Variants in CALCR observed in about 807,000 individuals in gnomAD.
The protein encoded by CALCR is calcitonin receptor.
Under a neutral mutation model 59.5 loss-of-function variants are expected in CALCR, and 47 were observed. That is an observed-to-expected ratio of 0.79 (90% CI 0.63 to 1.01). The LOEUF (loss-of-function observed/expected upper bound fraction) is 1.01, where lower values mean the gene tolerates loss of function less well. CALCR is among the 50% of genes least tolerant of loss of function. The pLI, the probability that CALCR is intolerant of heterozygous loss-of-function variation, is 0.00. For synonymous variants in CALCR, 213 were observed against 211.3 expected, an observed-to-expected ratio of 1.01 and a Z score of -0.07; for missense variants, 566 against 597.1, an observed-to-expected ratio of 0.95 and a Z score of 0.54.
chr7:93,482,965 C>T lies in CALCR; in HGVS notation c.52-3458G>A, dbSNP rs1039045473. Reference sequence around the variant, plus strand: ...TTTTCCCAACAGTAGATGAATGTCTCAGTGGCCTTCTTCCTAAAATAACAT... The same window carrying T: ...TTTTCCCAACAGTAGATGAATGTCTTAGTGGCCTTCTTCCTAAAATAACAT... On this transcript the variant is annotated intron_variant, in intron 3 of 13. Transcript: ENST00000426151. The T allele has an allele frequency of 4.0e-5, 19 of 472,196 alleles. No individual in the cohort carries two copies. The Admixed American group carries it at 4.8e-4, about 12-fold the overall frequency. The allele number at this position is 472,196 out of a possible 1,614,324, so 29.3% of individuals were successfully genotyped here.
intron 2 of CALCR, among the ~76,000 whole-genome samples, chr7:93,554,011 T>G (rs1304195220): frequency 6.6e-6 from 1 of 152,178 alleles, no homozygotes; most frequent in Non-Finnish European, 1.5e-5. Context: ...TATTTGTCAT[T>G]TCTGCTTTTG....
At chr7:93,459,177 A>T (rs895801426) in intron 8 of CALCR, among the ~76,000 whole-genome samples, 9 of 152,174 alleles carry the variant, frequency 5.9e-5, no homozygotes, top group African/African-American at 1.9e-4. Context: ...CACCAAAGTG[A>T]TTTGATTTTT....
intron 7 of CALCR, among the ~76,000 whole-genome samples, chr7:93,467,715 T>A (rs972744346): frequency 1.3e-5 from 2 of 151,630 alleles, no homozygotes; most frequent in Non-Finnish European, 3.0e-5. Context: ...CCACATTTTT[T>A]AAGTGTGGAT....
At chr7:93,488,412 A>G (rs1012584631) in intron 2 of CALCR, among the ~76,000 whole-genome samples, 1 of 151,534 alleles carries the variant, frequency 6.6e-6, no homozygotes, top group African/African-American at 2.4e-5. Flanking sequence ...AAGAATGCTA[A>G]CCTTAAATGT....
intron 2 of CALCR, among the ~76,000 whole-genome samples, chr7:93,557,183 C>T (rs1295793540): frequency 6.6e-6 from 1 of 151,884 alleles, no homozygotes; most frequent in Non-Finnish European, 1.5e-5. Flanking sequence ...AGATGACTGG[C>T]ACTTTACCAA....
At chr7:93,454,190 C>G (rs979802559) in intron 8 of CALCR, among the ~76,000 whole-genome samples, 2 of 151,984 alleles carry the variant, frequency 1.3e-5, no homozygotes, top group African/African-American at 4.8e-5. Flanking sequence ...GTCCAGTTTC[C>G]ACCCTGGGTT....
At chr7:93,471,443 A>G (rs534650092) in intron 6 of CALCR, among the ~76,000 whole-genome samples, 5 of 151,932 alleles carry the variant, frequency 3.3e-5, no homozygotes, top group East Asian at 2.0e-4. Context: ...TCCCTAAGCC[A>G]TATGTTCATC....
intron 2 of CALCR, among the ~76,000 whole-genome samples, chr7:93,488,712 A>T (rs1158748021): frequency 6.6e-6 from 1 of 151,760 alleles, no homozygotes; most frequent in Non-Finnish European, 1.5e-5. Context: ...AACAAGAGCT[A>T]ACTACTCTAA....
At chr7:93,517,391 T>C (rs539353155) in intron 2 of CALCR, among the ~76,000 whole-genome samples, 14 of 151,782 alleles carry the variant, frequency 9.2e-5, no homozygotes, top group Middle Eastern at 3.4e-3. Flanking sequence ...ATTTAGATGA[T>C]ATTAATAATG....
rs1554397851 is a variant in CALCR at position 93,460,597 on chromosome 7, A to ATATATATATG, written c.648+223_648+224insCATATATATA. 3.0e-3 allele frequency among the ~76,000 whole-genome samples: 399 copies of ATATATATATG among 133,688 alleles called. 5 individuals carry two copies. Among genetic ancestry groups the ATATATATATG allele is most frequent in the African/African-American group, 0.011 (379 of 33,042 alleles). The allele number at this position is 133,688 out of a possible 152,430, so 87.7% of individuals were successfully genotyped here. A position where few individuals can be genotyped will look rare whatever the true frequency, so the allele number is the denominator to read the frequency against. On this transcript the variant is annotated intron_variant, in intron 8 of 13. Transcript: ENST00000426151. ...AATATATATATATATATATATGTATATATATATATATATATGGTTTGTTGT... is the reference window on the plus strand; with the variant it reads ...AATATATATATATATATATATGTATATATATATATGTATATATATATATATGGTTTGTTGT...
intron 5 of CALCR, among the ~76,000 whole-genome samples, chr7:93,472,935 G>T (rs1028377705): frequency 2.6e-5 from 4 of 151,744 alleles, no homozygotes; most frequent in African/African-American, 9.7e-5. Context: ...TTTTTCATTA[G>T]ATTAACTGTA....
intron 5 of CALCR, among the ~76,000 whole-genome samples, chr7:93,477,289 A>C (rs1412531351): frequency 1.3e-5 from 2 of 151,936 alleles, no homozygotes; most frequent in African/African-American, 4.8e-5. Flanking sequence ...CATTTAAATA[A>C]AACTATTCAC....
intron 2 of CALCR, among the ~76,000 whole-genome samples, chr7:93,498,744 A>C (rs1035519976): frequency 4.6e-5 from 7 of 151,718 alleles, no homozygotes; most frequent in Non-Finnish European, 1.0e-4. Context: ...GTTCTTAGTC[A>C]CTACATATAG....
rs2116304509 is a variant in CALCR, at chr7:93,574,476, A to C, written c.-214T>G. 6.6e-6 allele frequency: 1 copy of C among 152,320 alleles called. No individual in the cohort carries two copies. The highest frequency in any genetic ancestry group is 1.5e-5 in the Non-Finnish European group (1 of 68,054). 9.4% of individuals were successfully genotyped at this position (152,320 alleles called of 1,614,324 possible). On this transcript the variant is annotated 5_prime_UTR_variant, in exon 2 of 14. Transcript: ENST00000426151. ...GGAAGGTCCGCCAGCCGCGCGGCGCAGCCCACCCAGACGCTGGTGGGCTGG... is the reference window on the plus strand; with the variant it reads ...GGAAGGTCCGCCAGCCGCGCGGCGCCGCCCACCCAGACGCTGGTGGGCTGG...
chr7:93,519,780 C>T (rs1801722516), intron 2 of CALCR, among the ~76,000 whole-genome samples: 2 of 151,924 alleles, frequency 1.3e-5, no homozygotes, highest in South Asian at 4.1e-4. Flanking sequence ...GAATAAGTCT[C>T]ATAAGAGCTG....
chr7:93,502,086 C>T (rs1004990400), intron 2 of CALCR, among the ~76,000 whole-genome samples: 1 of 151,922 alleles, frequency 6.6e-6, no homozygotes, highest in Non-Finnish European at 1.5e-5. Context: ...TAGTCTTTGG[C>T]CAAATTAAAA....
chr7:93,509,046 A>G (rs9692041), intron 2 of CALCR, among the ~76,000 whole-genome samples: 12,888 of 152,186 alleles, frequency 0.085, 1,075 homozygotes, highest in East Asian at 0.28. Context: ...ACACTCTTCC[A>G]TTGAGAGGTG....
chr7:93,467,862 A>G (rs12154755), intron 7 of CALCR, among the ~76,000 whole-genome samples: 60,782 of 151,304 alleles, frequency 0.4, 12,919 homozygotes, highest in South Asian at 0.49. Flanking sequence ...TCAGACATGA[A>G]TCCAGGCACC....
chr7:93,522,238 G>C lies in CALCR; in HGVS notation c.-26-35231C>G, dbSNP rs569565751. On this transcript the variant is annotated intron_variant, in intron 2 of 13. Transcript: ENST00000426151. ...ATCTAGCAAAGATATAAAGAAAATG[G>C]CTTTAAATATCTCAGTGCTGATACT... 3.3e-5 allele frequency among the ~76,000 whole-genome samples: 5 copies of C among 152,076 alleles called. No homozygotes were observed. The East Asian group carries it at 9.7e-4, about 29-fold the overall frequency.
Sources: gnomAD v4.1 joint callset for allele counts (sites outside exome capture counted in the v4.1 genomes callset) on GRCh38, gnomAD v4.1.1 for gene constraint, MANE v1.5 for transcripts, NCBI Gene and HGNC (gene_info 2026-07-23, HGNC 2026-07-21) for gene names.